LRRC20: variants seen among roughly 807,000 people sequenced by gnomAD.
LRRC20 encodes leucine-rich repeat-containing protein 20.
LRRC20 carries 11 observed loss-of-function variants against 14.4 expected under a neutral mutation model. The ratio of observed to expected loss-of-function variants is 0.77; its 90% confidence interval spans 0.48 to 1.27. The LOEUF (loss-of-function observed/expected upper bound fraction) is 1.27, where lower values mean the gene tolerates loss of function less well. Ranked by LOEUF, LRRC20 falls within the 50% of genes most tolerant of loss-of-function variation. The pLI, the probability that LRRC20 is intolerant of heterozygous loss-of-function variation, is 0.00. For missense variants in LRRC20, 219 were observed against 251.2 expected (o/e 0.87, Z 0.87); for synonymous variants, 121 against 107.3 (o/e 1.13, Z -0.79).
intron 4 of LRRC20, among the ~76,000 whole-genome samples, chr10:70,319,173 GAA>G (rs11439728): frequency 3.7e-4 from 46 of 125,272 alleles, no homozygotes; most frequent in African/African-American, 9.4e-4. Context: ...GGTGTATAGG[GAA>G]AAAAAAAAAA....
At chr10:70,320,296 GAGATAGATAGATAGAT>G (rs10555469) in intron 4 of LRRC20, among the ~76,000 whole-genome samples, 1,556 of 148,434 alleles carry the variant, frequency 0.01, 10 homozygotes, top group Non-Finnish European at 0.015. Context: ...CATGTCCCAG[GAGATAGATAGATAGAT>G]AGATAGATAG....
chr10:70,377,902 A>T (rs1844568624), intron 1 of LRRC20, among the ~76,000 whole-genome samples: 1 of 152,224 alleles, frequency 6.6e-6, no homozygotes, highest in Admixed American at 6.5e-5. Context: ...GAAAACACTG[A>T]TTTTGGAGAC....
At chr10:70,366,223 G>A (rs1843995899) in intron 2 of LRRC20, among the ~76,000 whole-genome samples, 1 of 151,954 alleles carries the variant, frequency 6.6e-6, no homozygotes, top group African/African-American at 2.4e-5. Flanking sequence ...AGGAGTTCAA[G>A]ACCAGCCTGG....
chr10:70,377,467 A>G (rs748631035), intron 1 of LRRC20, among the ~76,000 whole-genome samples: 3 of 152,196 alleles, frequency 2.0e-5, no homozygotes, highest in Non-Finnish European at 4.4e-5. Context: ...GGTCAAAGTG[A>G]GTAAGCGGCA....
intron 3 of LRRC20, among the ~76,000 whole-genome samples, chr10:70,333,662 C>T (rs780421521): frequency 1.3e-5 from 2 of 152,198 alleles, no homozygotes; most frequent in Non-Finnish European, 2.9e-5. Context: ...ATCCAGGTAG[C>T]TCCAGGGGTG....
chr10:70,319,694 A>G (rs922372554), intron 4 of LRRC20, among the ~76,000 whole-genome samples: 4 of 152,242 alleles, frequency 2.6e-5, no homozygotes, highest in African/African-American at 9.6e-5. Flanking sequence ...TTCAGAAATG[A>G]CATTTCCCAG....
chr10:70,330,936 T>C (rs1440890899), intron 3 of LRRC20, among the ~76,000 whole-genome samples: 2 of 152,242 alleles, frequency 1.3e-5, no homozygotes, highest in Non-Finnish European at 2.9e-5. Context: ...CCTGCTTCCA[T>C]GGCAAAGAGC....
rs1321423104 is a variant in LRRC20 at position 70,326,798 on chromosome 10, A to G, written c.233-2768T>C. Among the ~76,000 whole-genome samples the G allele has an allele frequency of 5.3e-5, 8 of 151,982 alleles. No homozygotes were observed. The East Asian group carries it at 1.5e-3, about 29-fold the overall frequency. On this transcript the variant is annotated intron_variant, in intron 3 of 4. Transcript: ENST00000446961. The stretch of plus-strand genomic sequence containing the variant: ...CTCCCAAGTAGCTGGGACTACAGGC[A>G]CCCGCCACCACGCCTGGCTAATTTT...
At chr10:70,366,122 A>G (rs1389984755) in intron 2 of LRRC20, among the ~76,000 whole-genome samples, 2 of 151,276 alleles carry the variant, frequency 1.3e-5, no homozygotes, top group African/African-American at 4.9e-5. Flanking sequence ...CAACAAGCAC[A>G]TGAAAAGTTG....
At chr10:70,308,772 G>C (rs907876381) in intron 4 of LRRC20, among the ~76,000 whole-genome samples, 2 of 152,162 alleles carry the variant, frequency 1.3e-5, no homozygotes, top group Non-Finnish European at 2.9e-5. Flanking sequence ...AGAAGGCAGG[G>C]TTATAAGCAG....
At chr10:70,366,524 TA>T (rs980852430) in intron 2 of LRRC20, among the ~76,000 whole-genome samples, 50 of 151,862 alleles carry the variant, frequency 3.3e-4, no homozygotes, top group Non-Finnish European at 4.4e-4. Context: ...CTTAATACTA[TA>T]AAAAAAGAAA....
At chr10:70,377,391 C>A (rs952004398) in intron 1 of LRRC20, among the ~76,000 whole-genome samples, 5 of 152,142 alleles carry the variant, frequency 3.3e-5, no homozygotes, top group African/African-American at 1.2e-4. Flanking sequence ...CTTGCAAACA[C>A]CCTCAACTCC....
chr10:70,325,627 G>A (rs939071230), intron 3 of LRRC20, among the ~76,000 whole-genome samples: 2 of 152,202 alleles, frequency 1.3e-5, no homozygotes, highest in African/African-American at 4.8e-5. Flanking sequence ...TGAGGGTGGT[G>A]GACTCTTAGG....
At chr10:70,353,418 T>C (rs186908191) in intron 2 of LRRC20, among the ~76,000 whole-genome samples, 79 of 152,256 alleles carry the variant, frequency 5.2e-4, no homozygotes, top group African/African-American at 1.8e-3. Context: ...GGCACTATTT[T>C]GTATTTTTTA....
intron 3 of LRRC20, among the ~76,000 whole-genome samples, chr10:70,328,697 C>T (rs1237398681): frequency 6.6e-6 from 1 of 152,196 alleles, no homozygotes; most frequent in Non-Finnish European, 1.5e-5. Context: ...GTGGGTGGAT[C>T]ACTTGGGGCC....
In LRRC20 at chr10:70,338,622, C is replaced by T. The variant is rs1842797481; in HGVS notation, c.232+1931G>A. 2.6e-5 allele frequency among the ~76,000 whole-genome samples: 4 copies of T among 152,124 alleles called. No homozygotes were observed. The South Asian group carries it at 8.3e-4, about 32-fold the overall frequency. On this transcript the variant is annotated intron_variant, in intron 3 of 4. Coordinates refer to ENST00000446961, the MANE Select transcript of LRRC20 (RefSeq NM_001278212.2). ...AACATCCACGTGTAATGTGTTTTTG[C>T]ATGGATGTATGGTTTTGTTTTTTTG...
At position 70,300,582 on chromosome 10, in the gene LRRC20, C is replaced by G. The variant is rs1841132344; in HGVS notation, c.*772G>C. 1.0e-6 allele frequency: 1 copy of G among 985,480 alleles called. No homozygotes were observed. The highest frequency in any genetic ancestry group is 6.1e-5 in the Admixed American group (1 of 16,270). 61.0% of individuals were successfully genotyped at this position (985,480 alleles called of 1,614,324 possible). A position where few individuals can be genotyped will look rare whatever the true frequency, so the allele number is the denominator to read the frequency against. Reference sequence around the variant, plus strand: ...ACTGACTCTGCTGTTCTCTGGGCCACCTCTCCCGCAGCTCAGGAGTGATGC... The same window carrying G: ...ACTGACTCTGCTGTTCTCTGGGCCAGCTCTCCCGCAGCTCAGGAGTGATGC... On this transcript the variant is annotated 3_prime_UTR_variant, in exon 5 of 5. Coordinates refer to ENST00000446961, the MANE Select transcript of LRRC20 (RefSeq NM_001278212.2).
rs777574665 is a variant in LRRC20 at position 70,323,909 on chromosome 10, G to A, written c.354C>T (p.Ala118=). ...GGTTGATGGTCTCCAGCGCCGGCAG[G>A]GCGGTAAGCTGCTCAGGGAAGTCCT... is the stretch of plus-strand genomic sequence containing the variant. ...QFQDFPEQLT[A]LPALETINLE... Residue 118 remains alanine (A), a synonymous_variant, in exon 4 of 5, where the codon GCC becomes GCT. Transcript: ENST00000446961. 18 of 1,614,084 alleles carry A rather than the reference G, an allele frequency of 1.1e-5. No homozygotes were observed. The African/African-American group carries it at 1.2e-4, about 11-fold the overall frequency.
At position 70,301,272 on chromosome 10, in the gene LRRC20, G is replaced by T; in HGVS notation, c.*82C>A. 4 of 1,498,994 alleles carry T rather than the reference G, an allele frequency of 2.7e-6. No individual in the cohort carries two copies. Among genetic ancestry groups the T allele is most frequent in the Non-Finnish European group, 3.6e-6 (4 of 1,126,464 alleles). The allele number at this position is 1,498,994 out of a possible 1,614,324, so 92.9% of individuals were successfully genotyped here. Reference sequence around the variant, plus strand: ...CCACCCGCCCCCAGCCCCCAGGCTTGGCCTCCCATGGGCCTCCCTCCCTTC... The same window carrying T: ...CCACCCGCCCCCAGCCCCCAGGCTTTGCCTCCCATGGGCCTCCCTCCCTTC... On this transcript the variant is annotated 3_prime_UTR_variant, in exon 5 of 5. Coordinates refer to ENST00000446961, the MANE Select transcript of LRRC20 (RefSeq NM_001278212.2).
Sources: gnomAD v4.1 joint callset for allele counts (sites outside exome capture counted in the v4.1 genomes callset) on GRCh38, gnomAD v4.1.1 for gene constraint, MANE v1.5 for transcripts, NCBI Gene and HGNC (gene_info 2026-07-23, HGNC 2026-07-21) for gene names.